Variants in THOC5 observed in about 807,000 individuals in gnomAD.
The protein encoded by THOC5 is THO complex subunit 5, also known as Fms-interacting protein.
THOC5 carries 43 observed loss-of-function variants against 92.9 expected under a neutral mutation model. The ratio of observed to expected loss-of-function variants is 0.46; its 90% CI spans 0.36 to 0.60. THOC5 has a LOEUF of 0.60. Among genes scored for constraint, THOC5 ranks in the 20% least tolerant of loss-of-function variants. THOC5 has a pLI of 0.00. For missense variants in THOC5, 659 were observed against 849.4 expected (o/e 0.78, Z 2.79); for synonymous variants, 296 against 320.1 (o/e 0.92, Z 0.80).
Position 29,544,453 on chromosome 22 carries a change from T to A in THOC5, c.240+7A>T, listed in dbSNP as rs757891796. The A allele has an allele frequency of 5.6e-6, 9 of 1,612,354 alleles. No homozygotes were observed. The highest frequency in any genetic ancestry group is 7.6e-6 in the Non-Finnish European group (9 of 1,179,480). On this transcript the variant is annotated splice_region_variant and intron_variant, in intron 3 of 19. Transcript: ENST00000490103. ...CAGGTTCACGGCCACCTGGTCCCACTCCTTACCACATCCTTGCCACCCCTG... is the reference window on the plus strand; with the variant it reads ...CAGGTTCACGGCCACCTGGTCCCACACCTTACCACATCCTTGCCACCCCTG...
intron 1 of THOC5, among the ~76,000 whole-genome samples, chr22:29,552,320 C>T (rs575559188): frequency 4.0e-4 from 60 of 151,598 alleles, no homozygotes; most frequent in African/African-American, 1.4e-3. Context: ...TCCCGGACCC[C>T]ATCCCGTCTA....
chr22:29,541,870 AAAAAAAAAAAAAAAAAAAAAAAAATAT>A (rs1569230752), intron 5 of THOC5, among the ~76,000 whole-genome samples: 184 of 63,260 alleles, frequency 2.9e-3, no homozygotes, highest in African/African-American at 9.1e-3. Context: ...CCAAAAAAAA[AAAAAAAAAAAAAAAAAAAAAAAAATAT>A]ATATATATAT....
rs1212466468 is a variant in THOC5 at position 29,520,588 on chromosome 22, T to C, written c.1277+410A>G. On this transcript the variant is annotated intron_variant, in intron 13 of 19. Transcript: ENST00000490103. Reference sequence around the variant, plus strand: ...ATGGCTCACTGCAGCCTCAACCTCCTGGGCTCATGCAATTCTCCCACCTCA... The same window carrying C: ...ATGGCTCACTGCAGCCTCAACCTCCCGGGCTCATGCAATTCTCCCACCTCA... Among the ~76,000 whole-genome samples the C allele has an allele frequency of 3.3e-5, 5 of 152,222 alleles. No homozygotes were observed. In the South Asian group the frequency reaches 6.2e-4, roughly 19 times the overall value.
intron 17 of THOC5, 94 bp from the exon 18 acceptor site, chr22:29,512,230 A>C: frequency 1.1e-6 from 1 of 881,476 alleles, no homozygotes; most frequent in Non-Finnish European, 1.9e-6. Flanking sequence ...GCTAGCTCAG[A>C]TGTCTCCTAT....
intron 2 of THOC5, among the ~76,000 whole-genome samples, chr22:29,548,469 C>T (rs542605118): frequency 2.6e-5 from 4 of 152,180 alleles, no homozygotes; most frequent in East Asian, 3.9e-4. Flanking sequence ...GTGGGAGGAT[C>T]GCTTGAGCCC....
At chr22:29,516,879 T>G (rs1340151661) in intron 17 of THOC5, 150 bp downstream of exon 17, 3 of 687,376 alleles carry the variant, frequency 4.4e-6, no homozygotes, top group Non-Finnish European at 2.6e-6. Context: ...TGTTGCAGAA[T>G]GAGTCCTTGC....
intron 11 of THOC5, among the ~76,000 whole-genome samples, chr22:29,526,181 C>T (rs1298008313): frequency 2.0e-5 from 3 of 151,728 alleles, no homozygotes; most frequent in Admixed American, 6.6e-5. Context: ...GAAATTATAA[C>T]AAAAAAAGAA....
chr22:29,548,781 A>G (rs2064080988), intron 2 of THOC5, among the ~76,000 whole-genome samples: 1 of 152,110 alleles, frequency 6.6e-6, no homozygotes, highest in Non-Finnish European at 1.5e-5. Flanking sequence ...CCATCAGGAA[A>G]ACTGGAGACA....
At position 29,506,313 on chromosome 22, in the gene THOC5, C is replaced by G. The variant is rs1450489977; in HGVS notation, c.*2144G>C. 1 of 152,090 alleles carries G rather than the reference C, an allele frequency of 6.6e-6. No individual in the cohort carries two copies. Among genetic ancestry groups the G allele is most frequent in the Admixed American group, 6.6e-5 (1 of 15,260 alleles). The allele number at this position is 152,090 out of a possible 1,614,324, so 9.4% of individuals were successfully genotyped here. ...TTTATGAACATTTTAAAGGTTGTTA[C>G]CTATCTTCCCAAGACTTCTCTTAAT... On this transcript the variant is annotated 3_prime_UTR_variant, in exon 20 of 20. Transcript: ENST00000490103.
chr22:29,528,315 C>T, intron 10 of THOC5, 111 bp downstream of exon 10: 1 of 1,614,026 alleles, frequency 6.2e-7, no homozygotes, highest in Non-Finnish European at 8.5e-7. Context: ...CCCCTCCCAG[C>T]AGCACCTTCT....
Position 29,525,924 on chromosome 22 carries a change from A to G in THOC5, c.1089T>C (p.Thr363=). 1 of 1,613,914 alleles carries G rather than the reference A, an allele frequency of 6.2e-7. No individual in the cohort carries two copies. ...KCKDDSVLHL[T]FYYLMNLNIM... ...TGTTGAGGTTCATGAGGTAGTAGAA[A>G]GTCAGGTGAAGCACACTGTCATCTG... The change falls in exon 12 of 20, where the codon ACT becomes ACC. Residue 363 remains threonine (T), a synonymous_variant. Coordinates refer to ENST00000490103, the MANE Select transcript of THOC5 (RefSeq NM_003678.5).
intron 11 of THOC5, 48 bp from the exon 12 acceptor site, chr22:29,525,994 CAGAGTGA>C: frequency 7.3e-7 from 1 of 1,376,130 alleles, no homozygotes; most frequent in Non-Finnish European, 1.0e-6. Context: ...ACACTCAGAG[CAGAGTGA>C]ACAGAGTCAT....
chr22:29,540,006 G>A lies in THOC5; in HGVS notation c.453-530C>T, dbSNP rs191888913. On this transcript the variant is annotated intron_variant, in intron 5 of 19. Transcript: ENST00000490103. ...TAAAAGAAAAGAAATTCTGCCAGGC[G>A]CGGTGGCTCACCCCTGTAATCCCAG... Among the ~76,000 whole-genome samples the A allele has an allele frequency of 2.5e-3, 380 of 152,296 alleles. 1 individual carries two copies. Among genetic ancestry groups the A allele is most frequent in the Non-Finnish European group, 3.2e-3 (220 of 68,026 alleles).
chr22:29,527,300 C>T (rs2063563071), intron 11 of THOC5, among the ~76,000 whole-genome samples: 1 of 152,048 alleles, frequency 6.6e-6, no homozygotes, highest in Admixed American at 6.6e-5. Context: ...ATGCCTGTAG[C>T]CCCCGCTACT....
At chr22:29,536,559 G>C (rs2063763802) in intron 7 of THOC5, 65 bp downstream of exon 7, 1 of 967,230 alleles carries the variant, frequency 1.0e-6, no homozygotes, top group Admixed American at 1.7e-5. Context: ...AGCCCAAAGG[G>C]TGACATGACT....
Position 29,506,467 on chromosome 22 carries a change from G to A in THOC5, c.*1990C>T, listed in dbSNP as rs1277530770. 1.3e-5 allele frequency: 2 copies of A among 152,120 alleles called. No homozygotes were observed. The highest frequency in any genetic ancestry group is 2.9e-5 in the Non-Finnish European group (2 of 68,046). 9.4% of individuals were successfully genotyped at this position (152,120 alleles called of 1,614,324 possible). Reference sequence around the variant, plus strand: ...GTGGGAGGATCATTTGAGCCCAGGAGTTTGAGACCAGCCTGGGAAAAATAG... The same window carrying A: ...GTGGGAGGATCATTTGAGCCCAGGAATTTGAGACCAGCCTGGGAAAAATAG... On this transcript the variant is annotated 3_prime_UTR_variant, in exon 20 of 20. Transcript: ENST00000490103.
At chr22:29,522,507 A>C (rs374753918) in intron 12 of THOC5, among the ~76,000 whole-genome samples, 47 of 152,306 alleles carry the variant, frequency 3.1e-4, no homozygotes, top group Non-Finnish European at 6.2e-4. Context: ...GAAGGTTATT[A>C]ATTGACAAAA....
chr22:29,527,806 G>A (rs780669011), intron 11 of THOC5, among the ~76,000 whole-genome samples: 1 of 152,138 alleles, frequency 6.6e-6, no homozygotes, highest in Non-Finnish European at 1.5e-5. Flanking sequence ...TTTGCAACTT[G>A]TTCTAGATAT....
chr22:29,512,148 G>A lies in THOC5; in HGVS notation c.1682-12C>T, dbSNP rs373707417. The A allele has an allele frequency of 1.2e-5, 20 of 1,610,364 alleles. No homozygotes were observed. Among genetic ancestry groups the A allele is most frequent in the Non-Finnish European group, 1.6e-5 (19 of 1,176,734 alleles). On this transcript the variant is annotated splice_polypyrimidine_tract_variant and intron_variant, in intron 17 of 19. Coordinates refer to ENST00000490103, the MANE Select transcript of THOC5 (RefSeq NM_003678.5). ...GGCCTGCAGTTTGGCTGGGAAGAGA[G>A]GAGAGAGGGGAAATGCGCAGTTCTA...
Sources: allele counts gnomAD v4.1 joint callset (sites outside exome capture counted in the v4.1 genomes callset), GRCh38; gene constraint gnomAD v4.1.1; transcripts MANE v1.5; gene names NCBI Gene and HGNC (gene_info 2026-07-23, HGNC 2026-07-21).